The following PPM1D variants were observed in gnomAD, a reference collection of about 807,000 sequenced individuals.
PPM1D encodes protein phosphatase, Mg2+/Mn2+ dependent 1D, also known as protein phosphatase 1D.
A neutral mutation model predicts 58.3 loss-of-function variants in PPM1D; 52 were observed. The observed-to-expected ratio is 0.89, with a 90% confidence interval of 0.71 to 1.12. The LOEUF (loss-of-function observed/expected upper bound fraction) is 1.12, where lower values mean the gene tolerates loss of function less well. Ranked by LOEUF, PPM1D falls within the 50% of genes most tolerant of loss-of-function variation. The probability of loss-of-function intolerance (pLI) is 0.00; values close to 1 mark genes in which losing one functional copy is unlikely to be tolerated. For synonymous variants in PPM1D, 278 were observed against 285.1 expected (o/e 0.98, Z 0.25); for missense variants, 564 against 777.2 (o/e 0.73, Z 3.26).
intron 5 of PPM1D, 158 bp downstream of exon 5, chr17:60,656,999 A>C (rs543876190): frequency 6.4e-7 from 1 of 1,550,430 alleles, no homozygotes; most frequent in African/African-American, 1.4e-5. Flanking sequence ...CTTTACATCA[A>C]TACTAATCTG....
At chr17:60,608,666 C>A (rs2030383890) in intron 1 of PPM1D, among the ~76,000 whole-genome samples, 3 of 152,070 alleles carry the variant, frequency 2.0e-5, no homozygotes, top group African/African-American at 7.2e-5. Flanking sequence ...CATATTACAT[C>A]TTTTTCACTC....
intron 3 of PPM1D, among the ~76,000 whole-genome samples, chr17:60,639,718 G>A (rs143352140): frequency 0.013 from 1,938 of 152,266 alleles, 40 homozygotes; most frequent in African/African-American, 0.044. Flanking sequence ...GATTACAGGC[G>A]TGAGCCACCA....
At chr17:60,638,693 G>A (rs528662467) in intron 3 of PPM1D, among the ~76,000 whole-genome samples, 2 of 152,184 alleles carry the variant, frequency 1.3e-5, no homozygotes, top group African/African-American at 4.8e-5. Context: ...ATTTTTAAAA[G>A]AGCCATGTTA....
intron 4 of PPM1D, among the ~76,000 whole-genome samples, chr17:60,655,975 A>T (rs899911862): frequency 1.3e-5 from 2 of 151,914 alleles, no homozygotes; most frequent in African/African-American, 4.8e-5. Context: ...TGCTGGGATT[A>T]CAGGCATGAG....
At chr17:60,645,969 C>T (rs142132397) in intron 3 of PPM1D, among the ~76,000 whole-genome samples, 11 of 151,930 alleles carry the variant, frequency 7.2e-5, no homozygotes, top group East Asian at 1.9e-4. Flanking sequence ...ATAGTGGGAC[C>T]GCCATCTCTA....
In PPM1D at chr17:60,663,186, AAGGAT is replaced by A; in HGVS notation, c.1454_1458del (p.Arg485ThrfsTer2). ...AAAATTGCGCTAAAGCCCTGACTTT[AAGGAT>A]ACATGATTCTTTGAATAATAGCCTT... On this transcript the variant is annotated frameshift_variant, in exon 6 of 6. Transcript: ENST00000305921. LOFTEE classifies it high-confidence loss of function. The A allele has an allele frequency of 6.2e-7, 1 of 1,614,200 alleles. No individual in the cohort carries two copies. The highest frequency in any genetic ancestry group is 8.5e-7 in the Non-Finnish European group (1 of 1,180,002).
At chr17:60,661,659 AT>A (rs2031528299) in intron 5 of PPM1D, among the ~76,000 whole-genome samples, 2 of 152,284 alleles carry the variant, frequency 1.3e-5, no homozygotes, top group South Asian at 4.1e-4. Context: ...TCAATTGGGA[AT>A]TTCCCTAACC....
At chr17:60,645,133 C>G (rs1295760311) in intron 3 of PPM1D, among the ~76,000 whole-genome samples, 1 of 152,118 alleles carries the variant, frequency 6.6e-6, no homozygotes, top group Admixed American at 6.6e-5. Flanking sequence ...GTGTACAGAT[C>G]ACCTGAGGTC....
intron 4 of PPM1D, among the ~76,000 whole-genome samples, chr17:60,651,041 T>C (rs2031333559): frequency 6.6e-6 from 1 of 152,150 alleles, no homozygotes; most frequent in Admixed American, 6.6e-5. Context: ...TGGCAATATA[T>C]GCACTTAGAG....
At chr17:60,660,453 A>G (rs1256857258) in intron 5 of PPM1D, among the ~76,000 whole-genome samples, 3 of 152,120 alleles carry the variant, frequency 2.0e-5, no homozygotes, top group South Asian at 2.1e-4. Flanking sequence ...GTCTATATAT[A>G]TATGTGTTTT....
At chr17:60,651,037 T>C (rs1242840536) in intron 4 of PPM1D, among the ~76,000 whole-genome samples, 2 of 152,176 alleles carry the variant, frequency 1.3e-5, no homozygotes, top group Non-Finnish European at 2.9e-5. Flanking sequence ...ATTGTGGCAA[T>C]ATATGCACTT....
chr17:60,618,954 A>G (rs889859995), intron 1 of PPM1D, among the ~76,000 whole-genome samples: 1 of 152,186 alleles, frequency 6.6e-6, no homozygotes, highest in Admixed American at 6.6e-5. Flanking sequence ...AAACAGTATT[A>G]TTAACTATAC....
In PPM1D at chr17:60,663,238, A is replaced by C; in HGVS notation, c.1504A>C (p.Asn502His). ...CCTTCCAATTGGCCTTGTGCCTACT[A>C]ATTCAACAAACACTGTCATGGACCA... ...NSLPIGLVPT[N>H]STNTVMDQKN... Residue 502 changes from asparagine (N) to histidine (H), a missense_variant, in exon 6 of 6, where the codon AAT becomes CAT. Asn to His is a moderately conservative substitution (Grantham distance 68). This residue lies in a region of PPM1D where 261 missense variants were observed against 270.1 expected (regional missense o/e 0.97). Coordinates refer to ENST00000305921, the MANE Select transcript of PPM1D (RefSeq NM_003620.4). The C allele has an allele frequency of 6.2e-7, 1 of 1,614,168 alleles. No homozygotes were observed. The highest frequency in any genetic ancestry group is 8.5e-7 in the Non-Finnish European group (1 of 1,180,018).
At chr17:60,626,433 C>T (rs1354085169) in intron 2 of PPM1D, among the ~76,000 whole-genome samples, 1 of 144,494 alleles carries the variant, frequency 6.9e-6, no homozygotes, top group Admixed American at 7.1e-5. Context: ...CTGGCTCTTT[C>T]GCCCAGGCTG....
intron 3 of PPM1D, 147 bp from the exon 4 acceptor site, chr17:60,647,745 A>T (rs972087385): frequency 1.4e-6 from 1 of 730,754 alleles, no homozygotes; most frequent in African/African-American, 1.8e-5. Context: ...TTGCTAGGAA[A>T]TCTTATCATG....
intron 1 of PPM1D, among the ~76,000 whole-genome samples, chr17:60,613,969 T>C (rs935762567): frequency 3.2e-5 from 1 of 31,126 alleles, no homozygotes; most frequent in Non-Finnish European, 4.7e-4. Context: ...CGGTGCCCGG[T>C]CCCGTCGACT....
chr17:60,645,524 A>ATATATATATGTGTATATATATG (rs1567974625), intron 3 of PPM1D, among the ~76,000 whole-genome samples: 4 of 114,448 alleles, frequency 3.5e-5, no homozygotes, highest in African/African-American at 1.3e-4. Context: ...ATATATATGT[A>ATATATATATGTGTATATATATG]TATATATATG....
chr17:60,656,973 A>C (rs2031453393), intron 5 of PPM1D, 132 bp downstream of exon 5: 1 of 1,575,772 alleles, frequency 6.3e-7, no homozygotes, highest in East Asian at 2.3e-5. Context: ...GATGTAACTT[A>C]TTATCAGAGA....
intron 3 of PPM1D, among the ~76,000 whole-genome samples, chr17:60,642,936 G>A (rs1034532070): frequency 4.0e-5 from 6 of 151,344 alleles, no homozygotes; most frequent in East Asian, 2.0e-4. Flanking sequence ...GCATGGTGGC[G>A]GGCGCCTTAT....
Sources: allele counts gnomAD v4.1 joint callset (sites outside exome capture counted in the v4.1 genomes callset), GRCh38; gene constraint gnomAD v4.1.1; regional missense constraint gnomAD v4.1.1; transcripts MANE v1.5; gene names NCBI Gene and HGNC (gene_info 2026-07-23, HGNC 2026-07-21).